Variants in KCTD8 observed in about 807,000 individuals in gnomAD.
KCTD8 encodes potassium channel tetramerization domain containing 8, also known as BTB/POZ domain-containing protein KCTD8.
Under a neutral mutation model 31.5 loss-of-function variants are expected in KCTD8, and 27 were observed. The ratio of observed to expected loss-of-function variants is 0.86; its 90% CI spans 0.63 to 1.18. The LOEUF is 1.18. Among genes scored for constraint, KCTD8 ranks in the 50% most tolerant of loss-of-function variants. KCTD8 has a pLI of 0.00. For missense variants in KCTD8, 658 were observed against 647.7 expected (o/e 1.02, Z -0.17); for synonymous variants, 290 against 280.0 (o/e 1.04, Z -0.36).
At chr4:44,334,337 T>C (rs949021188) in intron 1 of KCTD8, among the ~76,000 whole-genome samples, 3 of 152,102 alleles carry the variant, frequency 2.0e-5, no homozygotes, top group African/African-American at 7.2e-5. Flanking sequence ...AAGCAGAAAT[T>C]GTACAGGATA....
intron 1 of KCTD8, among the ~76,000 whole-genome samples, chr4:44,317,271 C>G (rs1367636361): frequency 6.2e-5 from 4 of 64,292 alleles, no homozygotes; most frequent in African/African-American, 2.6e-4. Flanking sequence ...CTCGCTCTGT[C>G]GCCCAGGCCG....
chr4:44,338,749 A>C (rs960798812), intron 1 of KCTD8, among the ~76,000 whole-genome samples: 1 of 152,200 alleles, frequency 6.6e-6, no homozygotes, highest in Non-Finnish European at 1.5e-5. Context: ...ATAATTACTA[A>C]AGAACTCTAT....
intron 1 of KCTD8, among the ~76,000 whole-genome samples, chr4:44,318,081 T>C (rs1479468924): frequency 6.6e-6 from 1 of 152,240 alleles, no homozygotes; most frequent in Non-Finnish European, 1.5e-5. Flanking sequence ...CCTGCTTATA[T>C]CTGGTATCAT....
At chr4:44,194,063 G>C (rs1713855373) in intron 1 of KCTD8, among the ~76,000 whole-genome samples, 1 of 152,056 alleles carries the variant, frequency 6.6e-6, no homozygotes, top group Non-Finnish European at 1.5e-5. Context: ...TGACTTGTCA[G>C]GTACCATAAT....
intron 1 of KCTD8, among the ~76,000 whole-genome samples, chr4:44,403,034 A>G (rs1022251541): frequency 6.6e-6 from 1 of 152,204 alleles, no homozygotes; most frequent in Non-Finnish European, 1.5e-5. Flanking sequence ...ACCAGAAGCT[A>G]GTCTGTGGGA....
At chr4:44,182,584 A>G (rs537515528) in intron 1 of KCTD8, among the ~76,000 whole-genome samples, 81 of 152,274 alleles carry the variant, frequency 5.3e-4, no homozygotes, top group African/African-American at 1.9e-3. Context: ...AGATGCTTGA[A>G]GGCAGCATGC....
At chr4:44,355,837 C>A (rs532755169) in intron 1 of KCTD8, among the ~76,000 whole-genome samples, 3 of 152,128 alleles carry the variant, frequency 2.0e-5, no homozygotes, top group Admixed American at 2.0e-4. Context: ...GATTATTTGT[C>A]TTCTATTAAT....
intron 1 of KCTD8, among the ~76,000 whole-genome samples, chr4:44,349,172 G>A (rs1719131072): frequency 6.6e-6 from 1 of 150,710 alleles, no homozygotes; most frequent in South Asian, 2.1e-4. Flanking sequence ...ATGCTTTGCT[G>A]ATCCTAGGAT....
intron 1 of KCTD8, among the ~76,000 whole-genome samples, chr4:44,317,223 G>GTTTTTTTTTT (rs1718156208): frequency 1.4e-5 from 1 of 71,074 alleles, no homozygotes; most frequent in Non-Finnish European, 2.5e-5. Context: ...GCCTATGGGT[G>GTTTTTTTTTT]CTTTCTTTTT....
At chr4:44,353,971 T>A (rs1020441034) in intron 1 of KCTD8, among the ~76,000 whole-genome samples, 2 of 152,180 alleles carry the variant, frequency 1.3e-5, no homozygotes. Context: ...TTGGAATTGG[T>A]AACCCTGCAA....
chr4:44,247,432 T>G (rs1192820677), intron 1 of KCTD8, among the ~76,000 whole-genome samples: 1 of 151,796 alleles, frequency 6.6e-6, no homozygotes, highest in Non-Finnish European at 1.5e-5. Flanking sequence ...TACGGGCTAT[T>G]ACAATTAGTG....
At chr4:44,402,055 A>G (rs1278713381) in intron 1 of KCTD8, among the ~76,000 whole-genome samples, 1 of 152,204 alleles carries the variant, frequency 6.6e-6, no homozygotes, top group African/African-American at 2.4e-5. Context: ...CTTTAGATTG[A>G]AAGTCAATAT....
chr4:44,326,809 C>T (rs924898298), intron 1 of KCTD8, among the ~76,000 whole-genome samples: 1 of 151,740 alleles, frequency 6.6e-6, no homozygotes, highest in Non-Finnish European at 1.5e-5. Flanking sequence ...GAAGGCAAAT[C>T]GTTTTCCAGA....
At chr4:44,415,435 A>G (rs1721051930) in intron 1 of KCTD8, among the ~76,000 whole-genome samples, 1 of 152,192 alleles carries the variant, frequency 6.6e-6, no homozygotes, top group African/African-American at 2.4e-5. Flanking sequence ...CCTGGTGCTA[A>G]TATCAAAGAC....
intron 1 of KCTD8, among the ~76,000 whole-genome samples, chr4:44,193,715 T>C (rs1423546639): frequency 6.6e-6 from 1 of 152,158 alleles, no homozygotes; most frequent in Non-Finnish European, 1.5e-5. Flanking sequence ...CATTGTGACC[T>C]TTACTGGGAC....
intron 1 of KCTD8, among the ~76,000 whole-genome samples, chr4:44,395,970 C>A (rs551959379): frequency 1.4e-4 from 21 of 152,156 alleles, no homozygotes; most frequent in South Asian, 4.2e-4. Context: ...CACTTTATTT[C>A]TATTATTGTA....
At chr4:44,177,946 T>C (rs1422328804) in intron 1 of KCTD8, among the ~76,000 whole-genome samples, 1 of 152,296 alleles carries the variant, frequency 6.6e-6, no homozygotes, top group East Asian at 1.9e-4. Flanking sequence ...TCAGACCCAC[T>C]CTGGCCACCA....
chr4:44,445,726 T>C (rs1721921634), intron 1 of KCTD8, among the ~76,000 whole-genome samples: 1 of 152,186 alleles, frequency 6.6e-6, no homozygotes, highest in Non-Finnish European at 1.5e-5. Flanking sequence ...CATTCATGCT[T>C]GTATCTTCTC....
At chr4:44,399,559 A>G (rs909057998) in intron 1 of KCTD8, among the ~76,000 whole-genome samples, 2 of 152,184 alleles carry the variant, frequency 1.3e-5, no homozygotes, top group Admixed American at 6.5e-5. Context: ...GGCCCTTTAT[A>G]AAGGATTAGA....
Sources: allele counts gnomAD v4.1 joint callset (sites outside exome capture counted in the v4.1 genomes callset), GRCh38; gene constraint gnomAD v4.1.1; transcripts MANE v1.5; gene names NCBI Gene and HGNC (gene_info 2026-07-23, HGNC 2026-07-21).